NRF1: variants seen among roughly 807,000 people sequenced by gnomAD.
NRF1 encodes the protein alpha palindromic-binding protein.
Under a neutral mutation model 58.5 loss-of-function variants are expected in NRF1, and 5 were observed. The ratio of observed to expected loss-of-function variants is 0.09; its 90% CI spans 0.04 to 0.18. The LOEUF is 0.18. Among genes scored for constraint, NRF1 ranks in the 10% least tolerant of loss-of-function variants. NRF1 has a pLI of 1.00. For synonymous variants in NRF1, 224 were observed against 246.7 expected (o/e 0.91, Z 0.86); for missense variants, 288 against 657.7 (o/e 0.44, Z 6.15).
chr7:129,697,119 ATGCTT>A (rs1174715609), intron 5 of NRF1, among the ~76,000 whole-genome samples: 1 of 152,152 alleles, frequency 6.6e-6, no homozygotes, highest in African/African-American at 2.4e-5. Context: ...TCTCTCAGCC[ATGCTT>A]TATTAGAGAA....
chr7:129,670,038 G>A (rs1305546765), intron 2 of NRF1, among the ~76,000 whole-genome samples: 1 of 152,364 alleles, frequency 6.6e-6, no homozygotes, highest in East Asian at 1.9e-4. Context: ...GCTGTCATAT[G>A]TGACAACATG....
intron 10 of NRF1, among the ~76,000 whole-genome samples, chr7:129,731,148 G>A (rs552869838): frequency 6.6e-6 from 1 of 152,070 alleles, no homozygotes; most frequent in Admixed American, 6.6e-5. Flanking sequence ...GGCAACACCT[G>A]TAATCCCAGC....
chr7:129,634,044 A>ATTT (rs1307221529), intron 1 of NRF1, among the ~76,000 whole-genome samples: 2,065 of 53,632 alleles, frequency 0.039, 51 homozygotes, highest in African/African-American at 0.1. Flanking sequence ...AAAAAAAAAG[A>ATTT]TATATATATA....
rs530520605 is a variant in NRF1, at chr7:129,637,872, T to A, written c.-6-19474T>A. Among the ~76,000 whole-genome samples, 106 of 151,276 alleles carry A rather than the reference T, an allele frequency of 7.0e-4. 1 individual carries two copies. The highest frequency in any genetic ancestry group is 3.4e-3 in the Admixed American group (51 of 15,188). ...GAGATTTTTTTGTGATTTTATTTTTTGTTTTTTTTTTTCTAAGCTCATCAG... is the reference window on the plus strand; with the variant it reads ...GAGATTTTTTTGTGATTTTATTTTTAGTTTTTTTTTTTCTAAGCTCATCAG... On this transcript the variant is annotated intron_variant, in intron 1 of 10. Transcript: ENST00000393232.
chr7:129,613,800 G>T (rs537926301), intron 1 of NRF1, among the ~76,000 whole-genome samples: 2 of 151,508 alleles, frequency 1.3e-5, no homozygotes, highest in Non-Finnish European at 2.9e-5. Flanking sequence ...TGGGAGGGGC[G>T]GGGGCGGGGG....
At chr7:129,676,680 TAG>T (rs1196634280) in intron 3 of NRF1, among the ~76,000 whole-genome samples, 4 of 152,190 alleles carry the variant, frequency 2.6e-5, no homozygotes, top group African/African-American at 4.8e-5. Context: ...GAAATATTGC[TAG>T]AGTTACCAAA....
intron 1 of NRF1, among the ~76,000 whole-genome samples, chr7:129,649,294 C>A (rs1022169538): frequency 2.0e-5 from 3 of 152,230 alleles, no homozygotes; most frequent in Non-Finnish European, 4.4e-5. Flanking sequence ...GTAAGTTGAG[C>A]CAGCCTAGGT....
chr7:129,670,692 T>C (rs1802028349), intron 2 of NRF1, among the ~76,000 whole-genome samples: 1 of 152,216 alleles, frequency 6.6e-6, no homozygotes, highest in Non-Finnish European at 1.5e-5. Flanking sequence ...GAGACTTCAA[T>C]AGTTCCTTTG....
chr7:129,636,241 T>C (rs1027245088), intron 1 of NRF1, among the ~76,000 whole-genome samples: 15 of 152,178 alleles, frequency 9.9e-5, no homozygotes, highest in Admixed American at 8.5e-4. Context: ...TGGGTTTTTT[T>C]CCTTTTTTTT....
At chr7:129,687,433 G>A (rs997670964) in intron 4 of NRF1, among the ~76,000 whole-genome samples, 4 of 151,876 alleles carry the variant, frequency 2.6e-5, no homozygotes, top group African/African-American at 7.3e-5. Flanking sequence ...CCACCACCAC[G>A]CCCAGCTAAT....
At chr7:129,648,273 A>G (rs557785516) in intron 1 of NRF1, among the ~76,000 whole-genome samples, 2 of 121,074 alleles carry the variant, frequency 1.7e-5, no homozygotes, top group East Asian at 2.7e-4. Context: ...GGCATTATTG[A>G]CTTTTTTTTT....
intron 10 of NRF1, among the ~76,000 whole-genome samples, chr7:129,750,067 G>A (rs1200772628): frequency 6.6e-6 from 1 of 152,094 alleles, no homozygotes. Flanking sequence ...CATGCAGCGG[G>A]GGTGAGAGGG....
chr7:129,638,824 G>T (rs966313422), intron 1 of NRF1, among the ~76,000 whole-genome samples: 6 of 152,040 alleles, frequency 3.9e-5, no homozygotes, highest in Admixed American at 3.9e-4. Context: ...TTCTAAAATG[G>T]AGATGTTATG....
intron 5 of NRF1, among the ~76,000 whole-genome samples, chr7:129,707,313 T>C (rs1802972413): frequency 6.6e-6 from 1 of 152,210 alleles, no homozygotes. Flanking sequence ...ATTTTGTTAA[T>C]TTAGAATTAT....
intron 8 of NRF1, among the ~76,000 whole-genome samples, chr7:129,712,715 C>T (rs934500953): frequency 4.6e-5 from 7 of 152,222 alleles, no homozygotes; most frequent in African/African-American, 1.7e-4. Context: ...TATGTGCCTC[C>T]TTTCCACCTA....
intron 5 of NRF1, among the ~76,000 whole-genome samples, chr7:129,697,265 C>T (rs1166248783): frequency 1.3e-5 from 2 of 151,580 alleles, no homozygotes; most frequent in African/African-American, 2.4e-5. Flanking sequence ...CATAAATAGC[C>T]GGGCGCGGTG....
At chr7:129,720,423 AAT>A (rs531559672) in intron 9 of NRF1, among the ~76,000 whole-genome samples, 177 of 152,328 alleles carry the variant, frequency 1.2e-3, no homozygotes, top group Middle Eastern at 3.4e-3. Context: ...CTCTCCACAG[AAT>A]TTGCTGTTGG....
intron 5 of NRF1, among the ~76,000 whole-genome samples, chr7:129,706,040 T>A (rs983758926): frequency 3.9e-5 from 6 of 152,062 alleles, no homozygotes; most frequent in Non-Finnish European, 7.4e-5. Flanking sequence ...GGCATTAGAA[T>A]AGTAGCATGG....
At chr7:129,744,936 T>TGGGGG (rs140830308) in intron 10 of NRF1, among the ~76,000 whole-genome samples, 28 of 152,148 alleles carry the variant, frequency 1.8e-4, no homozygotes, top group East Asian at 5.8e-4. Context: ...GACAGGCACA[T>TGGGGG]GGGGGTTCAT....
Sources: gnomAD v4.1 joint callset for allele counts (sites outside exome capture counted in the v4.1 genomes callset) on GRCh38, gnomAD v4.1.1 for gene constraint, MANE v1.5 for transcripts, NCBI Gene and HGNC (gene_info 2026-07-23, HGNC 2026-07-21) for gene names.